RABGAP1L: variants seen among roughly 807,000 people sequenced by gnomAD.
RABGAP1L encodes rab GTPase-activating protein 1-like.
A neutral mutation model predicts 137.7 loss-of-function variants in RABGAP1L; 63 were observed. The observed-to-expected ratio is 0.46, with a 90% CI of 0.37 to 0.56. The LOEUF (loss-of-function observed/expected upper bound fraction) is 0.56. Among genes scored for constraint, RABGAP1L ranks in the 20% least tolerant of loss-of-function variants. The pLI is 0.00. For synonymous variants in RABGAP1L, 431 were observed against 433.7 expected (o/e 0.99, Z 0.08); for missense variants, 1,095 against 1,244.0 (o/e 0.88, Z 1.80).
intron 19 of RABGAP1L, among the ~76,000 whole-genome samples, chr1:174,930,355 C>A (rs1402398871): frequency 6.7e-6 from 1 of 149,038 alleles, no homozygotes; most frequent in Non-Finnish European, 1.5e-5. Context: ...GAGACAGGAT[C>A]TTGCTGTGTT....
chr1:174,943,594 G>A (rs906924452), intron 19 of RABGAP1L, among the ~76,000 whole-genome samples: 1 of 152,190 alleles, frequency 6.6e-6, no homozygotes, highest in Non-Finnish European at 1.5e-5. Flanking sequence ...CCAGCACTTT[G>A]GGAGGCTGAG....
intron 18 of RABGAP1L, among the ~76,000 whole-genome samples, chr1:174,787,552 G>A (rs1017630189): frequency 3.3e-5 from 5 of 152,142 alleles, no homozygotes; most frequent in African/African-American, 1.2e-4. Flanking sequence ...GAAATAATGA[G>A]AAGTTTCATG....
intron 10 of RABGAP1L, among the ~76,000 whole-genome samples, chr1:174,279,572 T>C (rs2148680096): frequency 6.6e-6 from 1 of 152,232 alleles, no homozygotes. Context: ...CTCTTACCCA[T>C]TTTCATATTA....
At chr1:174,926,499 A>T (rs968480243) in intron 19 of RABGAP1L, among the ~76,000 whole-genome samples, 5 of 151,994 alleles carry the variant, frequency 3.3e-5, no homozygotes, top group African/African-American at 1.2e-4. Flanking sequence ...CAAAGACCTT[A>T]AGTTTTTGTA....
intron 18 of RABGAP1L, among the ~76,000 whole-genome samples, chr1:174,795,243 T>C (rs924052167): frequency 6.6e-6 from 1 of 152,164 alleles, no homozygotes; most frequent in African/African-American, 2.4e-5. Flanking sequence ...TAAAGGCGAT[T>C]AAGGAAAAGC....
intron 17 of RABGAP1L, among the ~76,000 whole-genome samples, chr1:174,704,333 T>A (rs1027318763): frequency 5.9e-5 from 9 of 152,214 alleles, no homozygotes; most frequent in African/African-American, 2.2e-4. Flanking sequence ...ATTAGAAGTT[T>A]AAATGTAAAA....
intron 13 of RABGAP1L, among the ~76,000 whole-genome samples, chr1:174,497,985 C>T (rs1168032734): frequency 6.6e-6 from 1 of 152,132 alleles, no homozygotes; most frequent in Non-Finnish European, 1.5e-5. Flanking sequence ...TATAATACCT[C>T]CCAAAAGGAA....
chr1:174,804,135 A>G (rs554069661), intron 18 of RABGAP1L, among the ~76,000 whole-genome samples: 1 of 152,198 alleles, frequency 6.6e-6, no homozygotes, highest in Non-Finnish European at 1.5e-5. Flanking sequence ...AAATGGTATC[A>G]GTGGTGGCAT....
At chr1:174,417,001 C>T (rs1365785666) in intron 13 of RABGAP1L, among the ~76,000 whole-genome samples, 7 of 151,926 alleles carry the variant, frequency 4.6e-5, no homozygotes, top group East Asian at 1.9e-4. Flanking sequence ...TGTCCTAATA[C>T]GTATACACCA....
chr1:174,764,749 G>A (rs1191562797), intron 18 of RABGAP1L, among the ~76,000 whole-genome samples: 1 of 152,172 alleles, frequency 6.6e-6, no homozygotes, highest in Non-Finnish European at 1.5e-5. Context: ...TGAGACTGTA[G>A]GCGTGAGCCA....
chr1:174,501,135 T>C (rs1001989842), intron 13 of RABGAP1L, among the ~76,000 whole-genome samples: 1 of 152,144 alleles, frequency 6.6e-6, no homozygotes, highest in African/African-American at 2.4e-5. Flanking sequence ...GGCCAAAAGC[T>C]TGGGAAAGAC....
chr1:174,616,302 C>T (rs1274952424), intron 13 of RABGAP1L, among the ~76,000 whole-genome samples: 2 of 152,148 alleles, frequency 1.3e-5, no homozygotes, highest in African/African-American at 4.8e-5. Context: ...GGTTATGGTA[C>T]AAATTATTAG....
intron 13 of RABGAP1L, among the ~76,000 whole-genome samples, chr1:174,541,661 T>A (rs1001609107): frequency 6.6e-6 from 1 of 151,846 alleles, no homozygotes; most frequent in Non-Finnish European, 1.5e-5. Context: ...CTGTAGTCCC[T>A]GCTACTCTGG....
intron 19 of RABGAP1L, among the ~76,000 whole-genome samples, chr1:174,941,073 T>TCCCTC (rs11417914): frequency 7.2e-5 from 11 of 152,096 alleles, no homozygotes; most frequent in African/African-American, 2.4e-4. Context: ...ATTTTGTAGC[T>TCCCTC]CCATGCCTTT....
intron 19 of RABGAP1L, chr1:174,898,129 A>G (rs1231590450): frequency 2.0e-5 from 3 of 152,204 alleles, no homozygotes; most frequent in African/African-American, 7.2e-5. Flanking sequence ...CATAAAAAGC[A>G]GAGTCCATAA....
chr1:174,429,072 CT>C (rs1432530104), intron 13 of RABGAP1L, among the ~76,000 whole-genome samples: 1 of 151,906 alleles, frequency 6.6e-6, no homozygotes, highest in African/African-American at 2.4e-5. Flanking sequence ...CTTGCAATTC[CT>C]TTTTTAAAAA....
intron 13 of RABGAP1L, among the ~76,000 whole-genome samples, chr1:174,627,697 AC>A (rs1470011771): frequency 1.3e-5 from 2 of 152,196 alleles, no homozygotes; most frequent in East Asian, 1.9e-4. Flanking sequence ...ATTAAAGAGA[AC>A]CCTTGAAAGG....
chr1:174,452,453 T>G (rs1655549506), intron 13 of RABGAP1L, among the ~76,000 whole-genome samples: 1 of 152,208 alleles, frequency 6.6e-6, no homozygotes, highest in African/African-American at 2.4e-5. Flanking sequence ...GCTCTCTGTT[T>G]AGCTGAATTT....
intron 13 of RABGAP1L, among the ~76,000 whole-genome samples, chr1:174,439,699 G>C (rs184709696): frequency 2.6e-4 from 40 of 152,276 alleles, no homozygotes; most frequent in Admixed American, 5.9e-4. Flanking sequence ...TGTGTATTCT[G>C]AGCTTCACAT....
Sources: allele counts gnomAD v4.1 joint callset (sites outside exome capture counted in the v4.1 genomes callset), GRCh38; gene constraint gnomAD v4.1.1; transcripts MANE v1.5; gene names NCBI Gene and HGNC (gene_info 2026-07-23, HGNC 2026-07-21).